IDH1: variants seen among roughly 807,000 people sequenced by gnomAD.
The protein encoded by IDH1 is isocitrate dehydrogenase [NADP] cytoplasmic.
In IDH1, 33 loss-of-function variants were observed where a neutral mutation model predicts 46.1. The observed-to-expected ratio is 0.72, with a 90% confidence interval of 0.54 to 0.96. The LOEUF (loss-of-function observed/expected upper bound fraction) is 0.96, where lower values mean the gene tolerates loss of function less well. IDH1 is among the 40% of genes least tolerant of loss of function. The probability of loss-of-function intolerance (pLI) is 0.00; values close to 1 mark genes in which losing one functional copy is unlikely to be tolerated. For missense variants in IDH1, 421 were observed against 515.7 expected (o/e 0.82, Z 1.78); for synonymous variants, 144 against 172.8 (o/e 0.83, Z 1.31).
At chr2:208,239,736 T>C (rs1687882385) in intron 8 of IDH1, 127 bp downstream of exon 8, 1 of 880,798 alleles carries the variant, frequency 1.1e-6, no homozygotes, top group African/African-American at 1.6e-5. Flanking sequence ...AAATAGATCT[T>C]ACTAGTAGAA....
chr2:208,242,575 G>A (rs1402705674), intron 6 of IDH1, among the ~76,000 whole-genome samples: 2 of 152,160 alleles, frequency 1.3e-5, no homozygotes, highest in African/African-American at 2.4e-5. Context: ...TAGATGGGCA[G>A]CAGGAGGAGG....
intron 8 of IDH1, 76 bp from the exon 9 acceptor site, chr2:208,239,309 A>C: frequency 1.4e-6 from 2 of 1,478,424 alleles, no homozygotes; most frequent in Admixed American, 3.7e-5. Flanking sequence ...ATAGTTCCCC[A>C]AAACAGAATA....
intron 7 of IDH1, among the ~76,000 whole-genome samples, chr2:208,240,637 A>C (rs1396309265): frequency 6.6e-6 from 1 of 152,176 alleles, no homozygotes; most frequent in Non-Finnish European, 1.5e-5. Flanking sequence ...GCTCTCTTTC[A>C]TACCCTCAGT....
intron 3 of IDH1, among the ~76,000 whole-genome samples, chr2:208,249,202 T>G (rs1688078812): frequency 6.6e-6 from 1 of 152,088 alleles, no homozygotes; most frequent in African/African-American, 2.4e-5. Context: ...CCTTTTTTTT[T>G]TTTTTTTAGA....
chr2:208,251,653 C>T (rs895040976), intron 2 of IDH1, 86 bp from the exon 3 acceptor site: 29 of 1,044,176 alleles, frequency 2.8e-5, no homozygotes, highest in Non-Finnish European at 3.4e-5. Flanking sequence ...ATATAAACAA[C>T]GTAGTGACTA....
At chr2:208,238,090 C>T (rs2124845674) in intron 9 of IDH1, among the ~76,000 whole-genome samples, 1 of 148,534 alleles carries the variant, frequency 6.7e-6, no homozygotes, top group African/African-American at 2.5e-5. Context: ...GGCTGGAGTG[C>T]AGTGGCACCA....
chr2:208,244,297 T>G (rs1687977417), intron 5 of IDH1, among the ~76,000 whole-genome samples: 1 of 152,176 alleles, frequency 6.6e-6, no homozygotes, highest in Middle Eastern at 3.2e-3. Context: ...CATGAGCCAA[T>G]TAAACCTCTT....
At chr2:208,238,683 T>C (rs1282435322) in intron 9 of IDH1, among the ~76,000 whole-genome samples, 5 of 152,240 alleles carry the variant, frequency 3.3e-5, no homozygotes, top group Non-Finnish European at 4.4e-5. Context: ...TATAATCTGC[T>C]TCTTAAAATT....
intron 4 of IDH1, 125 bp from the exon 5 acceptor site, chr2:208,245,549 T>TTTG: frequency 1.7e-6 from 1 of 571,500 alleles, no homozygotes; most frequent in East Asian, 2.9e-5. Context: ...CAAACTTCTT[T>TTTG]TTTTTTTTTT....
chr2:208,245,442 A>C lies in IDH1; in HGVS notation c.415-18T>G, dbSNP rs374277302. The C allele has an allele frequency of 1.7e-5, 24 of 1,396,134 alleles. No individual in the cohort carries two copies. Among genetic ancestry groups the C allele is most frequent in the African/African-American group, 2.8e-5 (2 of 70,654 alleles). The allele number at this position is 1,396,134 out of a possible 1,614,324, so 86.5% of individuals were successfully genotyped here. On this transcript the variant is annotated intron_variant, in intron 4 of 9. Transcript: ENST00000345146. ...GCTCTGTACTGTGTAGAGGGGAAAA[A>C]GGTATAAAGAAAAAAAAAATACCCT... is the stretch of plus-strand genomic sequence containing the variant.
At chr2:208,253,802 C>T (rs1688165195) in intron 2 of IDH1, 84 bp downstream of exon 2, 1 of 152,164 alleles carries the variant, frequency 6.6e-6, no homozygotes, top group African/African-American at 2.4e-5. Context: ...TGCAGTGCCT[C>T]GGCCTGCCCC....
Position 208,243,482 on chromosome 2 carries a change from T to C in IDH1, c.643A>G (p.Ile215Val). The change falls in exon 6 of 10, where the codon ATT becomes GTT. Residue 215 changes from isoleucine to valine, a missense_variant. Transcript: ENST00000345146. ...AAACGCCCATCATATTTCTTCAGAA[T>C]AGTGTTTTTGGTGCTCAGATACAAA... Reference protein sequence around the residue: ...WPLYLSTKNTILKKYDGRFKD... With the variant: ...WPLYLSTKNTVLKKYDGRFKD... 1 of 1,614,044 alleles carries C rather than the reference T, an allele frequency of 6.2e-7. No individual in the cohort carries two copies. Among genetic ancestry groups the C allele is most frequent in the Admixed American group, 1.7e-5 (1 of 60,028 alleles).
intron 9 of IDH1, among the ~76,000 whole-genome samples, chr2:208,237,382 C>T (rs773633192): frequency 2.6e-4 from 4 of 15,290 alleles, no homozygotes; most frequent in Non-Finnish European, 4.4e-4. Flanking sequence ...TCTAGGCAAC[C>T]GGCAGTAGAG....
rs781093485 is a variant in IDH1 at position 208,236,854 on chromosome 2, GAAAAT to G, written c.*220_*224del. On this transcript the variant is annotated 3_prime_UTR_variant, in exon 10 of 10. Transcript: ENST00000345146. ...TAACCGAATTCCTAGGCTGGTACTA[GAAAAT>G]AAAATAAAAATTGTAAAAAAGTCCC... The G allele has an allele frequency of 1.1e-5, 6 of 530,484 alleles. No homozygotes were observed. The highest frequency in any genetic ancestry group is 1.3e-5 in the Non-Finnish European group (4 of 300,034). 32.9% of individuals were successfully genotyped at this position (530,484 alleles called of 1,614,324 possible). A position where few individuals can be genotyped will look rare whatever the true frequency, so the allele number is the denominator to read the frequency against.
At position 208,236,311 on chromosome 2, in the gene IDH1, A is replaced by T. The variant is rs1445144908; in HGVS notation, c.*768T>A. 4.5e-6 allele frequency: 1 copy of T among 223,882 alleles called. No individual in the cohort carries two copies. The highest frequency in any genetic ancestry group is 8.9e-6 in the Non-Finnish European group (1 of 112,004). 13.9% of individuals were successfully genotyped at this position (223,882 alleles called of 1,614,324 possible). Reference sequence around the variant, plus strand: ...GTTTAATATCAATTTCTGAGAAATCACATTTATATAAAAGAAATAAAACAG... The same window carrying T: ...GTTTAATATCAATTTCTGAGAAATCTCATTTATATAAAAGAAATAAAACAG... On this transcript the variant is annotated 3_prime_UTR_variant, in exon 10 of 10. Transcript: ENST00000345146.
chr2:208,253,646 A>G (rs545361237), intron 2 of IDH1, among the ~76,000 whole-genome samples: 27 of 152,380 alleles, frequency 1.8e-4, no homozygotes, highest in African/African-American at 6.3e-4. Flanking sequence ...ATCAACCTCA[A>G]GTTTTTGGCC....
At position 208,239,283 on chromosome 2, in the gene IDH1, G is replaced by A. The variant is rs193249271; in HGVS notation, c.992-50C>T. 1.8e-3 allele frequency: 2,809 copies of A among 1,593,694 alleles called. 51 individuals are homozygous for A. The Admixed American group carries it at 0.033, about 19-fold the overall frequency. ...ACACTCCAATCATCCTAGTTATAGA[G>A]GTTTCCAAATGTCTCATAGTTCCCC... On this transcript the variant is annotated intron_variant, in intron 8 of 9. Coordinates refer to ENST00000345146, the MANE Select transcript of IDH1 (RefSeq NM_005896.4).
intron 2 of IDH1, 76 bp from the exon 3 acceptor site, chr2:208,251,643 A>T: frequency 8.1e-7 from 1 of 1,235,898 alleles, no homozygotes; most frequent in Non-Finnish European, 1.2e-6. Flanking sequence ...CGTAGTGTTT[A>T]TATAAACAAC....
In IDH1 at chr2:208,248,554, T is replaced by C. The variant is rs2124863532; in HGVS notation, c.229A>G (p.Thr77Ala). Residue 77 changes from threonine (T) to alanine (A), a missense_variant, in exon 4 of 10, where the codon ACT becomes GCT. By Grantham distance (58) the Thr-to-Ala change is moderately conservative. Transcript: ENST00000345146. ...HNVGVKCATI[T>A]PDEKRVEEFK... Reference sequence around the variant, plus strand: ...TCCTCAACCCTCTTCTCATCAGGAGTGATAGTGGCACATTTGACGCCAACA... The same window carrying C: ...TCCTCAACCCTCTTCTCATCAGGAGCGATAGTGGCACATTTGACGCCAACA... 1.2e-6 allele frequency: 2 copies of C among 1,614,106 alleles called. No individual in the cohort carries two copies. The highest frequency in any genetic ancestry group is 2.2e-5 in the South Asian group (2 of 91,076).
Sources: allele counts gnomAD v4.1 joint callset (sites outside exome capture counted in the v4.1 genomes callset), GRCh38; gene constraint gnomAD v4.1.1; transcripts MANE v1.5; gene names NCBI Gene and HGNC (gene_info 2026-07-23, HGNC 2026-07-21).